ATP11C: variants seen among roughly 807,000 people sequenced by gnomAD.
The protein encoded by ATP11C is ATPase phospholipid transporting 11C (ATP11C blood group).
A neutral mutation model predicts 97.4 loss-of-function variants in ATP11C; 36 were observed. That is an observed-to-expected ratio of 0.37 (90% CI 0.28 to 0.49). The LOEUF (loss-of-function observed/expected upper bound fraction) is 0.49, where lower values mean the gene tolerates loss of function less well. ATP11C is among the 20% of genes least tolerant of loss of function. The pLI is 0.98. For synonymous variants in ATP11C, 275 were observed against 290.9 expected, an observed-to-expected ratio of 0.95 and a Z score of 0.56; for missense variants, 730 against 824.6, an observed-to-expected ratio of 0.89 and a Z score of 1.40.
chrX:139,881,882 C>A (rs945533271), intron 1 of ATP11C, among the ~76,000 whole-genome samples: 1 of 112,243 alleles, frequency 8.9e-6, no homozygotes, highest in Non-Finnish European at 1.9e-5. Flanking sequence ...TCATTTTCAA[C>A]TGCCAGGAAG....
At chrX:139,892,967 G>A (rs774175488) in intron 1 of ATP11C, among the ~76,000 whole-genome samples, 9 of 112,034 alleles carry the variant, frequency 8.0e-5, no homozygotes, top group African/African-American at 2.9e-4. Flanking sequence ...GAAAGAGAAT[G>A]AGAGCCTGTC....
At chrX:139,876,725 C>T (rs2084480429) in intron 1 of ATP11C, among the ~76,000 whole-genome samples, 2 of 111,947 alleles carry the variant, frequency 1.8e-5, no homozygotes, top group South Asian at 3.7e-4. Context: ...CAGGAGGTAA[C>T]GATGTAGAAA....
chrX:139,825,075 G>T (rs2083498334), intron 2 of ATP11C, among the ~76,000 whole-genome samples: 1 of 111,178 alleles, frequency 9.0e-6, no homozygotes, highest in Admixed American at 9.6e-5. Flanking sequence ...CAAAACACAT[G>T]AACTTGAGGA....
intron 1 of ATP11C, among the ~76,000 whole-genome samples, chrX:139,931,730 C>G (rs1434527880): frequency 2.7e-5 from 3 of 111,789 alleles, no homozygotes; most frequent in Non-Finnish European, 5.7e-5. Context: ...CGAGTCCCCC[C>G]CACCACCCAG....
intron 1 of ATP11C, among the ~76,000 whole-genome samples, chrX:139,903,086 A>T (rs2084921932): frequency 8.9e-6 from 1 of 111,896 alleles, no homozygotes; most frequent in Non-Finnish European, 1.9e-5. Flanking sequence ...CACAAACAGG[A>T]GTGGCCTCAT....
intron 2 of ATP11C, among the ~76,000 whole-genome samples, chrX:139,822,415 GTTTGTTTGT>G (rs1484609574): frequency 1.8e-4 from 17 of 96,719 alleles, no homozygotes; most frequent in East Asian, 1.0e-3. Flanking sequence ...TTGTTTGTTT[GTTTGTTTGT>G]TTTTTTTGAG....
At chrX:139,744,209 T>G (rs2081631564) in intron 25 of ATP11C, among the ~76,000 whole-genome samples, 1 of 110,375 alleles carries the variant, frequency 9.1e-6, no homozygotes, top group African/African-American at 3.3e-5. Context: ...ATGCGTAACA[T>G]TAAAACAGAA....
chrX:139,756,945 A>G (rs1355837412), intron 23 of ATP11C, among the ~76,000 whole-genome samples: 1 of 101,199 alleles, frequency 9.9e-6, no homozygotes, highest in East Asian at 3.1e-4. Flanking sequence ...ATAAACCTGC[A>G]CATGCACTCC....
At chrX:139,858,897 G>A (rs775727809) in intron 1 of ATP11C, among the ~76,000 whole-genome samples, 2 of 112,009 alleles carry the variant, frequency 1.8e-5, no homozygotes, top group South Asian at 7.4e-4. Context: ...ACAGCATTGT[G>A]CAACCATCAC....
Position 139,727,866 on chromosome X carries a change from A to C in ATP11C, c.*1100T>G, listed in dbSNP as rs1034906427. ...TTAGAGTTAGACCATTTCCCTGTCC[A>C]AGTTAAGAGACAACATTCATCTTCA... On this transcript the variant is annotated 3_prime_UTR_variant, in exon 30 of 30. Coordinates refer to ENST00000682941, the MANE Select transcript of ATP11C (RefSeq NM_001353812.2). 1 of 112,188 alleles carries C rather than the reference A, an allele frequency of 8.9e-6. No homozygotes were observed. 9.2% of individuals were successfully genotyped at this position (112,188 alleles called of 1,213,427 possible). A position where few individuals can be genotyped will look rare whatever the true frequency, so the allele number is the denominator to read the frequency against.
rs1470860251 is a variant in ATP11C, at chrX:139,899,218, A to C, written c.27+32798T>G. Among the ~76,000 whole-genome samples, 4 of 111,311 alleles carry C rather than the reference A, an allele frequency of 3.6e-5. No homozygotes were observed. The East Asian group carries it at 1.1e-3, about 31-fold the overall frequency. ...ATGTGGGGCCGGATGCAATGGCTCA[A>C]GCTTATAATCCCAGCACTTTGGGAG... On this transcript the variant is annotated intron_variant, in intron 1 of 29. Coordinates refer to ENST00000682941, the MANE Select transcript of ATP11C (RefSeq NM_001353812.2).
intron 16 of ATP11C, among the ~76,000 whole-genome samples, chrX:139,784,925 C>A: frequency 9.0e-6 from 1 of 111,356 alleles, no homozygotes; most frequent in South Asian, 3.8e-4. Context: ...TGGTCAGTAC[C>A]CTGAACCATA....
chrX:139,853,186 C>T (rs968778987), intron 1 of ATP11C, among the ~76,000 whole-genome samples: 18 of 111,568 alleles, frequency 1.6e-4, no homozygotes, highest in African/African-American at 5.6e-4. Context: ...AGTAGCTCCA[C>T]TCCCGCCAGT....
At chrX:139,835,181 C>T (rs1424396475) in intron 1 of ATP11C, among the ~76,000 whole-genome samples, 1 of 111,596 alleles carries the variant, frequency 9.0e-6, no homozygotes, top group Non-Finnish European at 1.9e-5. Context: ...CCATGTATGC[C>T]AAAAATTGAT....
At chrX:139,775,456 A>T (rs1389757585) in intron 18 of ATP11C, among the ~76,000 whole-genome samples, 1 of 112,259 alleles carries the variant, frequency 8.9e-6, no homozygotes, top group Non-Finnish European at 1.9e-5. Context: ...AGTTGTCCTC[A>T]TAAAAAAGAT....
chrX:139,790,807 GA>G (rs34027275), intron 12 of ATP11C, among the ~76,000 whole-genome samples: 30 of 110,888 alleles, frequency 2.7e-4, no homozygotes. Flanking sequence ...TCCAAATTTA[GA>G]AAAAAAGCAG....
intron 1 of ATP11C, among the ~76,000 whole-genome samples, chrX:139,919,147 G>A (rs1268456544): frequency 9.1e-6 from 1 of 109,984 alleles, no homozygotes; most frequent in Non-Finnish European, 1.9e-5. Context: ...GGAGGCTGAG[G>A]CACGAGAATA....
At chrX:139,761,788 G>T (rs949237161) in intron 22 of ATP11C, among the ~76,000 whole-genome samples, 173 bp downstream of exon 22, 2 of 109,781 alleles carry the variant, frequency 1.8e-5, no homozygotes, top group East Asian at 5.7e-4. Context: ...GCATCAAAAG[G>T]CATTTCTGGT....
chrX:139,830,600 G>A (rs1007455684), intron 1 of ATP11C, among the ~76,000 whole-genome samples: 2 of 111,381 alleles, frequency 1.8e-5, no homozygotes, highest in Non-Finnish European at 3.8e-5. Flanking sequence ...TAAAACCGAC[G>A]TAATCCCTGG....
Sources: allele counts gnomAD v4.1 joint callset (sites outside exome capture counted in the v4.1 genomes callset), GRCh38; gene constraint gnomAD v4.1.1; transcripts MANE v1.5; gene names NCBI Gene and HGNC (gene_info 2026-07-23, HGNC 2026-07-21).